The following SH3GL2 variants were observed in gnomAD, a reference collection of about 807,000 sequenced individuals.
SH3GL2 encodes the protein endophilin-A1.
Under a neutral mutation model 46.0 loss-of-function variants are expected in SH3GL2, and 24 were observed. The observed-to-expected ratio is 0.52, with a 90% CI of 0.38 to 0.73. The LOEUF (loss-of-function observed/expected upper bound fraction) is 0.73. SH3GL2 is among the 30% of genes least tolerant of loss of function. The pLI, the probability that SH3GL2 is intolerant of heterozygous loss-of-function variation, is 0.00. For missense variants in SH3GL2, 413 were observed against 424.2 expected (o/e 0.97, Z 0.23); for synonymous variants, 196 against 147.1 (o/e 1.33, Z -2.40).
intron 3 of SH3GL2, 87 bp from the exon 4 acceptor site, chr9:17,786,294 C>A: frequency 7.9e-7 from 1 of 1,258,624 alleles, no homozygotes; most frequent in Non-Finnish European, 1.1e-6. Flanking sequence ...ACTTTGTAGG[C>A]TGCTCTGAGA....
chr9:17,711,488 C>T (rs995536429), intron 1 of SH3GL2, among the ~76,000 whole-genome samples: 4 of 151,866 alleles, frequency 2.6e-5, no homozygotes, highest in African/African-American at 9.7e-5. Flanking sequence ...TCCATTTCCC[C>T]AGACGACCAA....
At chr9:17,595,124 T>C (rs1818547203) in intron 1 of SH3GL2, among the ~76,000 whole-genome samples, 1 of 152,020 alleles carries the variant, frequency 6.6e-6, no homozygotes, top group South Asian at 2.1e-4. Flanking sequence ...AACACAGAGG[T>C]GGTTACACAG....
intron 1 of SH3GL2, among the ~76,000 whole-genome samples, chr9:17,652,166 A>T (rs190088509): frequency 6.6e-6 from 1 of 151,984 alleles, no homozygotes; most frequent in African/African-American, 2.4e-5. Flanking sequence ...GTAAATCATT[A>T]TTATTTTCTA....
chr9:17,755,836 A>C (rs1249930031), intron 2 of SH3GL2: 4 of 921,398 alleles, frequency 4.3e-6, no homozygotes, highest in Non-Finnish European at 5.2e-6. Flanking sequence ...GAAGAAAGGT[A>C]ATATTCCCAT....
intron 1 of SH3GL2, among the ~76,000 whole-genome samples, chr9:17,581,552 A>G (rs1818277394): frequency 6.6e-6 from 1 of 152,230 alleles, no homozygotes; most frequent in Non-Finnish European, 1.5e-5. Context: ...AAAAAATTAG[A>G]GAAATAGTCC....
chr9:17,729,977 G>GT (rs200662316), intron 1 of SH3GL2, among the ~76,000 whole-genome samples: 44,141 of 151,942 alleles, frequency 0.29, 7,685 homozygotes, highest in African/African-American at 0.47. Flanking sequence ...ATTTAAAGTA[G>GT]TTTTTTCTAA....
intron 2 of SH3GL2, among the ~76,000 whole-genome samples, chr9:17,760,231 C>A (rs1208189719): frequency 2.6e-5 from 4 of 152,212 alleles, no homozygotes; most frequent in South Asian, 2.1e-4. Flanking sequence ...AATTTTATAT[C>A]ATTATAACTT....
At chr9:17,701,170 A>G (rs752521861) in intron 1 of SH3GL2, among the ~76,000 whole-genome samples, 6 of 152,232 alleles carry the variant, frequency 3.9e-5, no homozygotes, top group Non-Finnish European at 7.3e-5. Context: ...TTTCTGAATA[A>G]ACATTGTATA....
At chr9:17,668,036 A>G (rs1342040590) in intron 1 of SH3GL2, among the ~76,000 whole-genome samples, 1 of 152,018 alleles carries the variant, frequency 6.6e-6, no homozygotes, top group African/African-American at 2.4e-5. Context: ...TGGACACTAG[A>G]CTCTTGTCAG....
intron 1 of SH3GL2, among the ~76,000 whole-genome samples, chr9:17,597,746 A>G (rs924874195): frequency 6.6e-6 from 1 of 152,162 alleles, no homozygotes; most frequent in African/African-American, 2.4e-5. Context: ...ACTATCCATT[A>G]ATAAGCTACT....
At chr9:17,579,942 C>G (rs1818246745) in intron 1 of SH3GL2, among the ~76,000 whole-genome samples, 1 of 152,226 alleles carries the variant, frequency 6.6e-6, no homozygotes, top group Non-Finnish European at 1.5e-5. Flanking sequence ...AAATATTTCC[C>G]TAAAACAACC....
intron 1 of SH3GL2, among the ~76,000 whole-genome samples, chr9:17,683,137 C>T (rs996206056): frequency 1.3e-5 from 2 of 152,066 alleles, no homozygotes; most frequent in African/African-American, 4.8e-5. Context: ...GCTGATGTCA[C>T]ATAAGCTAGT....
chr9:17,665,243 T>A (rs1048427931), intron 1 of SH3GL2, among the ~76,000 whole-genome samples: 2 of 152,194 alleles, frequency 1.3e-5, no homozygotes, highest in Non-Finnish European at 2.9e-5. Context: ...ACTTTTTATA[T>A]CCAGTCCACA....
intron 2 of SH3GL2, among the ~76,000 whole-genome samples, chr9:17,758,474 A>AT (rs1823067677): frequency 6.8e-6 from 1 of 146,558 alleles, no homozygotes; most frequent in African/African-American, 2.5e-5. Flanking sequence ...GGGAGGGAGA[A>AT]TCGCTTGAAC....
chr9:17,693,062 C>A (rs146482754), intron 1 of SH3GL2, among the ~76,000 whole-genome samples: 2 of 152,124 alleles, frequency 1.3e-5, no homozygotes, highest in Non-Finnish European at 2.9e-5. Context: ...TGGATGGGGA[C>A]ACAGCCAAAC....
chr9:17,655,693 T>TG (rs1820057357), intron 1 of SH3GL2, among the ~76,000 whole-genome samples: 1 of 152,256 alleles, frequency 6.6e-6, no homozygotes, highest in Non-Finnish European at 1.5e-5. Context: ...CTGATGTACT[T>TG]GCTGTTCTCA....
At position 17,786,289 on chromosome 9, in the gene SH3GL2, G is replaced by A. The variant is rs938770925; in HGVS notation, c.188-92G>A. ...CACTTATCAGTAGCTGAGCTACTTT[G>A]TAGGCTGCTCTGAGACCTGATCCTC... On this transcript the variant is annotated intron_variant, in intron 3 of 8. Coordinates refer to ENST00000380607, the MANE Select transcript of SH3GL2 (RefSeq NM_003026.5). The A allele has an allele frequency of 3.3e-6, 4 of 1,207,466 alleles. No individual in the cohort carries two copies. In the East Asian group the frequency reaches 9.5e-5, roughly 29 times the overall value. 74.8% of individuals were successfully genotyped at this position (1,207,466 alleles called of 1,614,324 possible).
At chr9:17,645,440 T>G (rs1325232677) in intron 1 of SH3GL2, among the ~76,000 whole-genome samples, 1 of 152,144 alleles carries the variant, frequency 6.6e-6, no homozygotes, top group Non-Finnish European at 1.5e-5. Context: ...ATTTTGCCCA[T>G]TAGTGGATGA....
intron 1 of SH3GL2, chr9:17,653,815 AAAG>A (rs2134670804): frequency 2.1e-6 from 2 of 937,438 alleles, no homozygotes; most frequent in East Asian, 1.2e-4. Context: ...TAGTCTTATC[AAAG>A]AAGAAGACAG....
Sources: allele counts gnomAD v4.1 joint callset (sites outside exome capture counted in the v4.1 genomes callset), GRCh38; gene constraint gnomAD v4.1.1; transcripts MANE v1.5; gene names NCBI Gene and HGNC (gene_info 2026-07-23, HGNC 2026-07-21).